Variants in ZNF227 observed in about 807,000 individuals in gnomAD.
The protein encoded by ZNF227 is zinc finger protein 227.
In ZNF227, 12 loss-of-function variants were observed where a neutral mutation model predicts 13.2. The observed-to-expected ratio is 0.91, with a 90% CI of 0.58 to 1.47. The LOEUF is 1.47. Among genes scored for constraint, ZNF227 ranks in the 40% most tolerant of loss-of-function variants. The pLI, the probability that ZNF227 is intolerant of heterozygous loss-of-function variation, is 0.00. For missense variants in ZNF227, 885 were observed against 967.5 expected, an observed-to-expected ratio of 0.91 and a Z score of 1.13; for synonymous variants, 338 against 326.0, an observed-to-expected ratio of 1.04 and a Z score of -0.40.
intron 5 of ZNF227, among the ~76,000 whole-genome samples, chr19:44,233,356 T>C (rs11673647): frequency 0.015 from 2,267 of 152,292 alleles, 26 homozygotes; most frequent in Non-Finnish European, 0.023. Context: ...GCATGTCTTA[T>C]TCTGTTTTTT....
At chr19:44,223,133 A>G (rs1169578475) in intron 3 of ZNF227, among the ~76,000 whole-genome samples, 1 of 152,164 alleles carries the variant, frequency 6.6e-6, no homozygotes, top group Non-Finnish European at 1.5e-5. Flanking sequence ...CATGGTGGAT[A>G]AGCTTTTTGA....
rs1042005586 is a variant in ZNF227, at chr19:44,217,968, G to T, written c.60+116G>T. The T allele has an allele frequency of 1.3e-5, 15 of 1,157,912 alleles. No individual in the cohort carries two copies. In the East Asian group the frequency reaches 3.6e-4, roughly 28 times the overall value. The allele number at this position is 1,157,912 out of a possible 1,614,324, so 71.7% of individuals were successfully genotyped here. A position where few individuals can be genotyped will look rare whatever the true frequency, so the allele number is the denominator to read the frequency against. On this transcript the variant is annotated intron_variant, in intron 3 of 5. Transcript: ENST00000313040. Reference sequence around the variant, plus strand: ...GGGAAACAGATATTCAGGACATGTGGTATGCTGACATGTATGTGTTTTTTT... The same window carrying T: ...GGGAAACAGATATTCAGGACATGTGTTATGCTGACATGTATGTGTTTTTTT...
At position 44,229,735 on chromosome 19, in the gene ZNF227, C is replaced by T. The variant is rs1462545353; in HGVS notation, c.190C>T (p.His64Tyr). 4 of 1,570,310 alleles carry T rather than the reference C, an allele frequency of 2.5e-6. No individual in the cohort carries two copies. Residue 64 changes from histidine to tyrosine, a missense_variant and splice_region_variant, in exon 5 of 6, where the codon CAT becomes TAT. His to Tyr is a moderately conservative substitution (Grantham distance 83). Coordinates refer to ENST00000313040, the MANE Select transcript of ZNF227 (RefSeq NM_182490.3). ...ENFKNLVAVG[H>Y]LPFQPDMVSQ... Reference sequence around the variant, plus strand: ...CATAAAAATCTACATTTTCATAGGGCATCTTCCCTTCCAACCAGATATGGT... The same window carrying T: ...CATAAAAATCTACATTTTCATAGGGTATCTTCCCTTCCAACCAGATATGGT...
intron 3 of ZNF227, 172 bp from the exon 4 acceptor site, chr19:44,228,274 G>A (rs1973393671): frequency 4.8e-6 from 3 of 623,708 alleles, no homozygotes; most frequent in Admixed American, 7.3e-5. Flanking sequence ...AGGCTTTATG[G>A]GGATGAGCGT....
intron 4 of ZNF227, 94 bp from the exon 5 acceptor site, chr19:44,229,639 T>C (rs1436771650): frequency 5.1e-6 from 3 of 590,358 alleles, no homozygotes; most frequent in East Asian, 3.4e-5. Context: ...TAATAAAATA[T>C]CACTATAGAG....
At chr19:44,217,227 G>C (rs1302536429) in intron 2 of ZNF227, among the ~76,000 whole-genome samples, 1 of 151,988 alleles carries the variant, frequency 6.6e-6, no homozygotes, top group African/African-American at 2.4e-5. Context: ...GCCTCCTAAA[G>C]TGCTGGGATT....
At chr19:44,231,353 A>G (rs1403866560) in intron 5 of ZNF227, among the ~76,000 whole-genome samples, 1 of 149,464 alleles carries the variant, frequency 6.7e-6, no homozygotes, top group African/African-American at 2.5e-5. Flanking sequence ...GATCTTACCC[A>G]CTTTGGCCTC....
At chr19:44,214,916 G>A (rs538461972) in intron 2 of ZNF227, among the ~76,000 whole-genome samples, 2 of 151,916 alleles carry the variant, frequency 1.3e-5, no homozygotes, top group South Asian at 2.1e-4. Context: ...GAGGGGTACC[G>A]CCTGAGCTCT....
At chr19:44,214,156 C>G (rs1322121106) in intron 2 of ZNF227, among the ~76,000 whole-genome samples, 2 of 151,466 alleles carry the variant, frequency 1.3e-5, no homozygotes, top group African/African-American at 4.9e-5. Flanking sequence ...GTTTTTTTGC[C>G]TTTTTTATAT....
At chr19:44,226,360 G>A (rs1458776704) in intron 3 of ZNF227, among the ~76,000 whole-genome samples, 1 of 152,166 alleles carries the variant, frequency 6.6e-6, no homozygotes, top group Non-Finnish European at 1.5e-5. Flanking sequence ...CTTTTTGTTT[G>A]TGCCCTGCCC....
At chr19:44,215,169 G>GTTT (rs35264039) in intron 2 of ZNF227, among the ~76,000 whole-genome samples, 3 of 137,924 alleles carry the variant, frequency 2.2e-5, no homozygotes, top group Non-Finnish European at 1.6e-5. Context: ...CATCAGGTCA[G>GTTT]TTTTTTTTTT....
chr19:44,231,513 A>C (rs1266429070), intron 5 of ZNF227, among the ~76,000 whole-genome samples: 7 of 152,050 alleles, frequency 4.6e-5, no homozygotes, highest in Non-Finnish European at 8.8e-5. Flanking sequence ...TTGTATTTTT[A>C]GTAGAGATGG....
At chr19:44,233,996 C>T (rs1974140065) in intron 5 of ZNF227, among the ~76,000 whole-genome samples, 1 of 152,100 alleles carries the variant, frequency 6.6e-6, no homozygotes, top group Non-Finnish European at 1.5e-5. Flanking sequence ...TGAGCAGAGA[C>T]CTGAAGGGAG....
chr19:44,212,461 C>T (rs1249364578), upstream of ZNF227: 3 of 148,258 alleles, frequency 2.0e-5, no homozygotes, highest in Non-Finnish European at 4.4e-5. Context: ...TTCCAGAACT[C>T]TGTCCGGAAA....
chr19:44,216,151 G>T (rs919656177), intron 2 of ZNF227, among the ~76,000 whole-genome samples: 23 of 149,470 alleles, frequency 1.5e-4, no homozygotes, highest in Admixed American at 1.3e-3. Flanking sequence ...AGTCACAAAT[G>T]TTTTCTTACC....
Position 44,235,851 on chromosome 19 carries a change from C to T in ZNF227, c.1421C>T (p.Thr474Ile), listed in dbSNP as rs753397285. ...YKCEACGKGF[T>I]RNTDLHIHFR... ...TGTGAGGCGTGTGGGAAAGGCTTTA[C>T]CCGTAATACAGATCTGCATATTCAT... is the stretch of plus-strand genomic sequence containing the variant. The change falls in exon 6 of 6, where the codon ACC becomes ATC. Residue 474 changes from threonine (T) to isoleucine (I), a missense_variant. Physicochemically the swap from Thr to Ile is moderately conservative, Grantham distance 89. Coordinates refer to ENST00000313040, the MANE Select transcript of ZNF227 (RefSeq NM_182490.3). The T allele has an allele frequency of 6.2e-7, 1 of 1,612,286 alleles. No individual in the cohort carries two copies. Among genetic ancestry groups the T allele is most frequent in the South Asian group, 1.1e-5 (1 of 91,008 alleles).
At chr19:44,220,191 T>C (rs1972337672) in intron 3 of ZNF227, among the ~76,000 whole-genome samples, 1 of 152,212 alleles carries the variant, frequency 6.6e-6, no homozygotes, top group Admixed American at 6.5e-5. Flanking sequence ...GTTGGACATT[T>C]GGGTTGGTTC....
At chr19:44,234,459 T>C (rs1028884613) in intron 5 of ZNF227, among the ~76,000 whole-genome samples, 2 of 152,192 alleles carry the variant, frequency 1.3e-5, no homozygotes, top group African/African-American at 4.8e-5. Context: ...ATTAAACTGT[T>C]AGACTTACGG....
At chr19:44,209,812 T>C (rs1971297233), upstream of ZNF227, among the ~76,000 whole-genome samples, 1 of 151,996 alleles carries the variant, frequency 6.6e-6, no homozygotes, top group South Asian at 2.1e-4. Flanking sequence ...GGTTTCGATT[T>C]CCTGACCTCG....
Sources: gnomAD v4.1 joint callset for allele counts (sites outside exome capture counted in the v4.1 genomes callset) on GRCh38, gnomAD v4.1.1 for gene constraint, MANE v1.5 for transcripts, NCBI Gene and HGNC (gene_info 2026-07-23, HGNC 2026-07-21) for gene names.